The following ADAM8 variants were observed in gnomAD, a reference collection of about 807,000 sequenced individuals.
The protein encoded by ADAM8 is ADAM metallopeptidase domain 8.
ADAM8 carries 104 observed loss-of-function variants against 102.4 expected under a neutral mutation model. That is an observed-to-expected ratio of 1.02 (90% CI 0.87 to 1.20). ADAM8 has a LOEUF of 1.20. ADAM8 is among the 50% of genes most tolerant of loss of function. ADAM8 has a pLI of 0.00. For synonymous variants in ADAM8, 517 were observed against 485.2 expected (o/e 1.07, Z -0.86); for missense variants, 1,132 against 1,159.0 (o/e 0.98, Z 0.34).
rs1846446968 is a variant in ADAM8 at position 133,269,530 on chromosome 10, C to T, written c.1864-1G>A. The T allele has an allele frequency of 6.3e-7, 1 of 1,593,800 alleles. No homozygotes were observed. Among genetic ancestry groups the T allele is most frequent in the Non-Finnish European group, 8.5e-7 (1 of 1,175,974 alleles). On this transcript the variant is annotated splice_acceptor_variant, in intron 17 of 22. Transcript: ENST00000445355. LOFTEE classifies it high-confidence loss of function. Reference sequence around the variant, plus strand: ...GGCACTCCTGCTTGTGGTTGCACACCTGCGGGGACGGCTGGGCTCAGGGCC... The same window carrying T: ...GGCACTCCTGCTTGTGGTTGCACACTTGCGGGGACGGCTGGGCTCAGGGCC...
At chr10:133,263,811 C>G in intron 21 of ADAM8, 46 bp from the exon 22 acceptor site, 1 of 1,400,500 alleles carries the variant, frequency 7.1e-7, no homozygotes, top group Non-Finnish European at 9.5e-7. Flanking sequence ...CAGGCACTCC[C>G]GGCTCTAGCC....
Position 133,275,393 on chromosome 10 carries a change from CCT to C in ADAM8, c.150+89_150+90del, listed in dbSNP as rs1418039989. 3 of 969,492 alleles carry C rather than the reference CCT, an allele frequency of 3.1e-6. No individual in the cohort carries two copies. The South Asian group carries it at 4.5e-5, about 15-fold the overall frequency. The allele number at this position is 969,492 out of a possible 1,614,324, so 60.1% of individuals were successfully genotyped here. A position where few individuals can be genotyped will look rare whatever the true frequency, so the allele number is the denominator to read the frequency against. On this transcript the variant is annotated intron_variant, in intron 2 of 22. Coordinates refer to ENST00000445355, the MANE Select transcript of ADAM8 (RefSeq NM_001109.5). Reference sequence around the variant, plus strand: ...CAGGGCAGCCCCAGACACCCACTGGCCTCTCACCACTTTCTGTAAGCTAAAGC... The same window carrying C: ...CAGGGCAGCCCCAGACACCCACTGGCCTCACCACTTTCTGTAAGCTAAAGC...
intron 19 of ADAM8, 38 bp downstream of exon 19, chr10:133,268,710 C>A: frequency 6.3e-7 from 1 of 1,582,024 alleles, no homozygotes; most frequent in Non-Finnish European, 8.6e-7. Flanking sequence ...GCACGGGAAG[C>A]ACTCGCCACC....
rs1394519390 is a variant in ADAM8, at chr10:133,263,741, G to C, written c.2344C>G (p.Pro782Ala). The change falls in exon 22 of 23, where the codon CCA becomes GCA. Residue 782 changes from proline to alanine, a missense_variant. Coordinates refer to ENST00000445355, the MANE Select transcript of ADAM8 (RefSeq NM_001109.5). ...KQVIKPTFAP[P>A]VPPVKPGAGA... Reference sequence around the variant, plus strand: ...GCCCCGGGTTTGACTGGGGGCACTGGGGGTGCGAACGTTGGCTTGATGACC... The same window carrying C: ...GCCCCGGGTTTGACTGGGGGCACTGCGGGTGCGAACGTTGGCTTGATGACC... 6.5e-7 allele frequency: 1 copy of C among 1,534,464 alleles called. No individual in the cohort carries two copies. Among genetic ancestry groups the C allele is most frequent in the African/African-American group, 1.5e-5 (1 of 67,248 alleles).
intron 12 of ADAM8, 57 bp downstream of exon 12, chr10:133,271,471 G>T: frequency 6.6e-7 from 1 of 1,506,072 alleles, no homozygotes; most frequent in South Asian, 1.3e-5. Context: ...CTGGCCTGAA[G>T]GGACAGAGGT....
At chr10:133,276,686 C>G in intron 1 of ADAM8, 86 bp downstream of exon 1, 5 of 1,493,432 alleles carry the variant, frequency 3.3e-6, no homozygotes, top group Non-Finnish European at 4.4e-6. Flanking sequence ...GCGAGCAGGC[C>G]AGGGGCTCGG....
At position 133,263,803 on chromosome 10, in the gene ADAM8, G is replaced by A. The variant is rs531975111; in HGVS notation, c.2320-38C>T. On this transcript the variant is annotated intron_variant, in intron 21 of 22. Transcript: ENST00000445355. Reference sequence around the variant, plus strand: ...AGACACAGCTGACATGGGTCCCCCAGGCACTCCCGGCTCTAGCCTGGACAT... The same window carrying A: ...AGACACAGCTGACATGGGTCCCCCAAGCACTCCCGGCTCTAGCCTGGACAT... 67 of 1,458,924 alleles carry A rather than the reference G, an allele frequency of 4.6e-5. 1 individual carries two copies. In the South Asian group the frequency reaches 8.8e-4, roughly 19 times the overall value. The allele number at this position is 1,458,924 out of a possible 1,614,324, so 90.4% of individuals were successfully genotyped here.
At chr10:133,269,072 G>C in intron 18 of ADAM8, 1 of 985,468 alleles carries the variant, frequency 1.0e-6, no homozygotes, top group Non-Finnish European at 1.2e-6. Flanking sequence ...CAGTGCTGTG[G>C]GCACGGCTGT....
intron 9 of ADAM8, 34 bp from the exon 10 acceptor site, chr10:133,272,308 C>T (rs1018238886): frequency 3.1e-5 from 46 of 1,492,656 alleles, no homozygotes; most frequent in Non-Finnish European, 3.8e-5. Flanking sequence ...GCCCTGGACA[C>T]GGCTCCCTCC....
chr10:133,267,420 G>T lies in ADAM8; in HGVS notation c.2254-3C>A. The T allele has an allele frequency of 6.2e-7, 1 of 1,607,228 alleles. No homozygotes were observed. ...GGGCTGGACACAGTGACCGGAGGCT[G>T]GAGGAGACAGGGCCGAGAGCCTGGG... On this transcript the variant is annotated splice_polypyrimidine_tract_variant and splice_region_variant and intron_variant, in intron 20 of 22. Coordinates refer to ENST00000445355, the MANE Select transcript of ADAM8 (RefSeq NM_001109.5).
intron 2 of ADAM8, 81 bp downstream of exon 2, chr10:133,275,403 C>A (rs1846715081): frequency 8.8e-7 from 1 of 1,140,170 alleles, no homozygotes; most frequent in Non-Finnish European, 1.3e-6. Context: ...CCTCTCACCA[C>A]TTTCTGTAAG....
Position 133,273,399 on chromosome 10 carries a change from A to G in ADAM8, c.428T>C (p.Leu143Pro), listed in dbSNP as rs1178155833. 1.5e-5 allele frequency: 24 copies of G among 1,549,274 alleles called. No individual in the cohort carries two copies. Among genetic ancestry groups the G allele is most frequent in the Non-Finnish European group, 2.0e-5 (23 of 1,146,434 alleles). Reference sequence around the variant, plus strand: ...CCGTCCGCCCTCGCCACCTTCATCCAGGGGCTCGATCAGGTGCAGGTCTGA... The same window carrying G: ...CCGTCCGCCCTCGCCACCTTCATCCGGGGGCTCGATCAGGTGCAGGTCTGA... ...VGSDLHLIEP[L>P]DEGGEGGRHA... Residue 143 changes from leucine to proline, a missense_variant, in exon 6 of 23, where the codon CTG (leucine) becomes CCG (proline). Physicochemically the swap from Leu to Pro is moderately conservative, Grantham distance 98. Transcript: ENST00000445355.
chr10:133,270,414 C>T lies in ADAM8; in HGVS notation c.1731G>A (p.Glu577=). The change falls in exon 16 of 23, where the codon GAG becomes GAA. Residue 577 remains glutamate, a synonymous_variant. Transcript: ENST00000445355. ...GCACTGGTTCATACGCAGTGCCATC[C>T]TCTGTGGTGAGCGCGTGGCACACAT... ...IVDVCHALTT[E]DGTAYEPVPE... The T allele has an allele frequency of 6.2e-7, 1 of 1,605,160 alleles. No homozygotes were observed. Among genetic ancestry groups the T allele is most frequent in the Non-Finnish European group, 8.5e-7 (1 of 1,173,816 alleles).
rs775423816 is a variant in ADAM8, at chr10:133,273,371, G to A, written c.456C>T (p.His152=). ...GCAGGTGCTCAGCCTGGTACACGGC[G>A]TGCCGTCCGCCCTCGCCACCTTCAT... ...PLDEGGEGGR[H]AVYQAEHLLQ... is the part of the protein sequence containing the mutation. Residue 152 remains histidine, a synonymous_variant, in exon 6 of 23, where the codon CAC becomes CAT. Coordinates refer to ENST00000445355, the MANE Select transcript of ADAM8 (RefSeq NM_001109.5). 32 of 1,555,002 alleles carry A rather than the reference G, an allele frequency of 2.1e-5. No homozygotes were observed. Among genetic ancestry groups the A allele is most frequent in the Middle Eastern group, 1.8e-4 (1 of 5,564 alleles).
chr10:133,262,878 C>CACGT lies in ADAM8; in HGVS notation c.*274_*277dup. 1 of 543,316 alleles carries CACGT rather than the reference C, an allele frequency of 1.8e-6. No homozygotes were observed. Among genetic ancestry groups the CACGT allele is most frequent in the Non-Finnish European group, 3.3e-6 (1 of 301,152 alleles). 33.7% of individuals were successfully genotyped at this position (543,316 alleles called of 1,614,324 possible). ...CGGGAGACCAGCGGCCACCTGGAGA[C>CACGT]ACGTACACACACACGCACCCGCAAG... On this transcript the variant is annotated 3_prime_UTR_variant, in exon 23 of 23. Transcript: ENST00000445355.
At chr10:133,275,351 A>G (rs1846712915) in intron 2 of ADAM8, 133 bp downstream of exon 2, 2 of 646,278 alleles carry the variant, frequency 3.1e-6, no homozygotes, top group Admixed American at 3.5e-5. Flanking sequence ...GATGGGCCCC[A>G]GGGGGCTAGA....
Position 133,267,405 on chromosome 10 carries a change from C to A in ADAM8, c.2266G>T (p.Val756Leu). ...KRPPPAPPVT[V>L]SSPPFPVPVY... Reference sequence around the variant, plus strand: ...GGAACTGGGAAGGGTGGGCTGGACACAGTGACCGGAGGCTGGAGGAGACAG... The same window carrying A: ...GGAACTGGGAAGGGTGGGCTGGACAAAGTGACCGGAGGCTGGAGGAGACAG... The change falls in exon 21 of 23, where the codon GTG (valine) becomes TTG (leucine). Residue 756 changes from valine (V) to leucine (L), a missense_variant. Coordinates refer to ENST00000445355, the MANE Select transcript of ADAM8 (RefSeq NM_001109.5). 3 of 1,609,756 alleles carry A rather than the reference C, an allele frequency of 1.9e-6. No homozygotes were observed. The highest frequency in any genetic ancestry group is 2.5e-6 in the Non-Finnish European group (3 of 1,178,966).
At chr10:133,272,022 C>T (rs1277573133) in intron 10 of ADAM8, 68 bp from the exon 11 acceptor site, 3 of 1,585,882 alleles carry the variant, frequency 1.9e-6, no homozygotes, top group East Asian at 2.3e-5. Context: ...CTCACCCCAC[C>T]AGGGCCCAGG....
rs1846497925 is a variant in ADAM8, at chr10:133,270,882, T to TG, written c.1562dup (p.Gly522ArgfsTer13). On this transcript the variant is annotated frameshift_variant and splice_region_variant, in exon 14 of 23. Transcript: ENST00000445355. LOFTEE classifies it high-confidence loss of function. ...AGGCCAGCTCTGTGCCCACTTCACC[T>TG]GGCCCCCAGAAGGCCTGGCACTGCT... 6.2e-7 allele frequency: 1 copy of TG among 1,610,394 alleles called. No individual in the cohort carries two copies. The highest frequency in any genetic ancestry group is 1.3e-5 in the African/African-American group (1 of 74,888).
Sources: allele counts gnomAD v4.1 joint callset, GRCh38; gene constraint gnomAD v4.1.1; transcripts MANE v1.5; gene names NCBI Gene and HGNC (gene_info 2026-07-23, HGNC 2026-07-21).